Variants in RBM33 observed in about 807,000 individuals in gnomAD.
The protein encoded by RBM33 is RNA binding motif protein 33.
A neutral mutation model predicts 132.6 loss-of-function variants in RBM33; 28 were observed. The ratio of observed to expected loss-of-function variants is 0.21; its 90% confidence interval spans 0.16 to 0.29. The LOEUF (loss-of-function observed/expected upper bound fraction) is 0.29. RBM33 is among the 10% of genes least tolerant of loss of function. The pLI, the probability that RBM33 is intolerant of heterozygous loss-of-function variation, is 1.00. For missense variants in RBM33, 1,291 were observed against 1,518.5 expected (o/e 0.85, Z 2.49); for synonymous variants, 634 against 593.0 (o/e 1.07, Z -1.01).
intron 9 of RBM33, among the ~76,000 whole-genome samples, chr7:155,722,436 A>G (rs921493071): frequency 2.0e-4 from 31 of 152,346 alleles, no homozygotes; most frequent in African/African-American, 7.5e-4. Flanking sequence ...CCTTTCTGAA[A>G]GTAAGTTTCT....
At chr7:155,708,174 A>G (rs1009031179) in intron 7 of RBM33, among the ~76,000 whole-genome samples, 6 of 152,198 alleles carry the variant, frequency 3.9e-5, no homozygotes, top group African/African-American at 1.4e-4. Flanking sequence ...AGAAGAGATA[A>G]TTTTTGTTTT....
chr7:155,710,779 T>A (rs1173331674), intron 7 of RBM33, among the ~76,000 whole-genome samples: 1 of 152,062 alleles, frequency 6.6e-6, no homozygotes, highest in Non-Finnish European at 1.5e-5. Flanking sequence ...CTGGTGCACA[T>A]CTCCTGCCTT....
chr7:155,768,563 T>TA (rs1439307937), intron 16 of RBM33, among the ~76,000 whole-genome samples: 2 of 152,222 alleles, frequency 1.3e-5, no homozygotes, highest in African/African-American at 4.8e-5. Flanking sequence ...GGAGGACCTA[T>TA]ATTCATTCCT....
chr7:155,662,089 C>T (rs942255381), intron 1 of RBM33, among the ~76,000 whole-genome samples: 6 of 150,810 alleles, frequency 4.0e-5, no homozygotes, highest in Admixed American at 2.0e-4. Flanking sequence ...ACCCCTCCGC[C>T]GAAGCTTCTG....
At chr7:155,734,054 C>CA (rs2117017522) in intron 9 of RBM33, among the ~76,000 whole-genome samples, 1 of 152,358 alleles carries the variant, frequency 6.6e-6, no homozygotes, top group South Asian at 2.1e-4. Context: ...GCTGTCACCT[C>CA]ACGCCCAGTG....
chr7:155,752,058 C>T (rs1801702597), intron 14 of RBM33, among the ~76,000 whole-genome samples: 1 of 152,160 alleles, frequency 6.6e-6, no homozygotes, highest in Admixed American at 6.5e-5. Flanking sequence ...TAGAATTGTA[C>T]CAGATTGACC....
At chr7:155,712,591 C>CA (rs1248162139) in intron 8 of RBM33, among the ~76,000 whole-genome samples, 1 of 152,186 alleles carries the variant, frequency 6.6e-6, no homozygotes, top group African/African-American at 2.4e-5. Flanking sequence ...GGGTGAACTT[C>CA]ACTGAGCAGG....
At chr7:155,691,512 A>G (rs1305430066) in intron 5 of RBM33, among the ~76,000 whole-genome samples, 2 of 152,194 alleles carry the variant, frequency 1.3e-5, no homozygotes, top group Non-Finnish European at 2.9e-5. Context: ...TTAGATAACA[A>G]TATTTTCTTT....
chr7:155,684,608 G>C (rs992298251), intron 5 of RBM33, among the ~76,000 whole-genome samples: 10 of 152,124 alleles, frequency 6.6e-5, no homozygotes, highest in Non-Finnish European at 1.3e-4. Context: ...GCTCCTTTTT[G>C]AGAGCACATA....
chr7:155,667,044 T>A lies in RBM33; in HGVS notation c.122+1791T>A, dbSNP rs116211412. 5.7e-3 allele frequency among the ~76,000 whole-genome samples: 862 copies of A among 152,324 alleles called. 11 individuals are homozygous for A. Among genetic ancestry groups the A allele is most frequent in the African/African-American group, 0.02 (833 of 41,562 alleles). On this transcript the variant is annotated intron_variant, in intron 2 of 17. Coordinates refer to ENST00000401878, the MANE Select transcript of RBM33 (RefSeq NM_053043.3). Reference sequence around the variant, plus strand: ...TGCTTTTTGTCAACTTATGTTGTCATTCTAATTGTTTACGTACATGGATAT... The same window carrying A: ...TGCTTTTTGTCAACTTATGTTGTCAATCTAATTGTTTACGTACATGGATAT...
rs937247815 is a variant in RBM33 at position 155,644,719 on chromosome 7, G to A, written c.-158G>A. On this transcript the variant is annotated 5_prime_UTR_variant, in exon 1 of 18. Coordinates refer to ENST00000401878, the MANE Select transcript of RBM33 (RefSeq NM_053043.3). ...GTTGTTTTCTTCCTGCGGAGGCGAA[G>A]GGCCAGCTGTGGACCGCGAAGCGCC... is the stretch of plus-strand genomic sequence containing the variant. 1.4e-5 allele frequency: 7 copies of A among 514,628 alleles called. No individual in the cohort carries two copies. Among genetic ancestry groups the A allele is most frequent in the African/African-American group, 1.2e-4 (6 of 49,614 alleles). The allele number at this position is 514,628 out of a possible 1,614,324, so 31.9% of individuals were successfully genotyped here. A position where few individuals can be genotyped will look rare whatever the true frequency, so the allele number is the denominator to read the frequency against.
At chr7:155,668,986 G>A (rs148095727) in intron 2 of RBM33, among the ~76,000 whole-genome samples, 83 of 152,200 alleles carry the variant, frequency 5.5e-4, no homozygotes, top group African/African-American at 1.9e-3. Flanking sequence ...ACGGTTCTAG[G>A]TTTTATTGTT....
At chr7:155,721,072 C>T (rs781223916) in intron 9 of RBM33, among the ~76,000 whole-genome samples, 10 of 152,208 alleles carry the variant, frequency 6.6e-5, no homozygotes, top group Non-Finnish European at 1.3e-4. Context: ...CTTTCCCCAG[C>T]TTAAGTACCT....
chr7:155,774,769 A>G lies in RBM33; in HGVS notation c.3464+122A>G, dbSNP rs1802548146. The G allele has an allele frequency of 2.3e-6, 2 of 887,444 alleles. No homozygotes were observed. Among genetic ancestry groups the G allele is most frequent in the Non-Finnish European group, 3.7e-6 (2 of 534,748 alleles). The allele number at this position is 887,444 out of a possible 1,614,324, so 55.0% of individuals were successfully genotyped here. A position where few individuals can be genotyped will look rare whatever the true frequency, so the allele number is the denominator to read the frequency against. On this transcript the variant is annotated intron_variant, in intron 17 of 17. Coordinates refer to ENST00000401878, the MANE Select transcript of RBM33 (RefSeq NM_053043.3). The surrounding 1 kb of genome is among the most constrained non-coding windows in gnomAD (Gnocchi z 4.2). The stretch of plus-strand genomic sequence containing the variant: ...CCACCTGTTCCTGTAGAAGGACACT[A>G]GGGCACAAAGCGCAGACGGTGATCC...
At chr7:155,659,777 A>G (rs1180800099) in intron 1 of RBM33, among the ~76,000 whole-genome samples, 1 of 152,144 alleles carries the variant, frequency 6.6e-6, no homozygotes, top group East Asian at 1.9e-4. Context: ...AACAACAGAA[A>G]TTTATTCACA....
intron 16 of RBM33, among the ~76,000 whole-genome samples, chr7:155,769,362 C>T (rs890483105): frequency 2.0e-5 from 3 of 152,212 alleles, no homozygotes; most frequent in African/African-American, 7.2e-5. Context: ...AGTGGGCGCA[C>T]AGCCTCCCTG....
chr7:155,716,458 C>T (rs1325477650), intron 8 of RBM33, among the ~76,000 whole-genome samples: 1 of 151,904 alleles, frequency 6.6e-6, no homozygotes, highest in East Asian at 1.9e-4. Flanking sequence ...CTCTCATTCT[C>T]CTGGTTAAAG....
chr7:155,689,490 T>C (rs1724988175), intron 5 of RBM33, among the ~76,000 whole-genome samples: 1 of 152,350 alleles, frequency 6.6e-6, no homozygotes, highest in Middle Eastern at 3.4e-3. Context: ...TGCTCTGATC[T>C]TAGTTATTTC....
intron 14 of RBM33, among the ~76,000 whole-genome samples, chr7:155,762,299 C>T (rs535372605): frequency 6.6e-6 from 1 of 152,226 alleles, no homozygotes; most frequent in African/African-American, 2.4e-5. Context: ...TGTGCCTTTC[C>T]CTCTGAGGGT....
Sources: gnomAD v4.1 joint callset for allele counts (sites outside exome capture counted in the v4.1 genomes callset) on GRCh38, gnomAD v4.1.1 for gene constraint, Gnocchi (gnomAD v3.1) non-coding constraint, MANE v1.5 for transcripts, NCBI Gene and HGNC (gene_info 2026-07-23, HGNC 2026-07-21) for gene names.